GRTP1: variants seen among roughly 807,000 people sequenced by gnomAD.
GRTP1 encodes the protein growth hormone regulated TBC protein 1.
Under a neutral mutation model 38.1 loss-of-function variants are expected in GRTP1, and 56 were observed. That is an observed-to-expected ratio of 1.47 (90% confidence interval 1.19 to 1.84). The LOEUF (loss-of-function observed/expected upper bound fraction) is 1.84. GRTP1 is among the 40% of genes most tolerant of loss of function. The pLI, the probability that GRTP1 is intolerant of heterozygous loss-of-function variation, is 0.00. For synonymous variants in GRTP1, 217 were observed against 189.5 expected (o/e 1.14, Z -1.19); for missense variants, 506 against 453.9 (o/e 1.11, Z -1.04).
chr13:113,361,366 T>A (rs944984776), intron 2 of GRTP1, among the ~76,000 whole-genome samples: 3 of 152,060 alleles, frequency 2.0e-5, no homozygotes, highest in African/African-American at 7.2e-5. Flanking sequence ...CCCAAGTCCA[T>A]ATTGGAAAGT....
chr13:113,343,322 C>T lies in GRTP1; in HGVS notation c.562+1541G>A, dbSNP rs1408007610. Among the ~76,000 whole-genome samples, 1 of 151,890 alleles carries T rather than the reference C, an allele frequency of 6.6e-6. No homozygotes were observed. The highest frequency in any genetic ancestry group is 1.9e-4 in the East Asian group (1 of 5,184). On this transcript the variant is annotated intron_variant, in intron 5 of 7. Transcript: ENST00000375431. This position sits in a 1 kb window ranked among gnomAD's most constrained non-coding sequence, Gnocchi z 4.8. ...TCCTTTCCGCCCTGCGAGGTTCTGC[C>T]TGCTGCTGCTGCTGCTGCACTGGGT...
intron 5 of GRTP1, among the ~76,000 whole-genome samples, chr13:113,331,380 C>T (rs181906957): frequency 1.7e-4 from 26 of 152,220 alleles, no homozygotes; most frequent in Non-Finnish European, 1.6e-4. Flanking sequence ...ACCACAGCTG[C>T]GGGGCTGGGA....
chr13:113,337,658 C>T (rs1326805472), intron 5 of GRTP1, among the ~76,000 whole-genome samples: 3 of 152,354 alleles, frequency 2.0e-5, no homozygotes, highest in Middle Eastern at 3.4e-3. Context: ...TGAGCCTGGC[C>T]GCCTGGTGAC....
intron 5 of GRTP1, among the ~76,000 whole-genome samples, chr13:113,328,615 G>A (rs949848161): frequency 4.6e-5 from 7 of 152,194 alleles, no homozygotes; most frequent in Non-Finnish European, 2.9e-5. Flanking sequence ...AACCTCCTGG[G>A]CTCAAGTGAT....
In GRTP1 at chr13:113,357,489, G is replaced by A. The variant is rs892693469; in HGVS notation, c.182-2008C>T. ...ATCCCTCTTAAGAAACCCTCTTTCTGGTTTAGAAACATATTTGAGGATCAT... is the reference window on the plus strand; with the variant it reads ...ATCCCTCTTAAGAAACCCTCTTTCTAGTTTAGAAACATATTTGAGGATCAT... On this transcript the variant is annotated intron_variant, in intron 2 of 7. Transcript: ENST00000375431. Among the ~76,000 whole-genome samples, 9 of 148,634 alleles carry A rather than the reference G, an allele frequency of 6.1e-5. No homozygotes were observed. The Admixed American group carries it at 6.1e-4, about 10-fold the overall frequency.
rs1302282575 is a variant in GRTP1, at chr13:113,343,726, G to A, written c.562+1137C>T. On this transcript the variant is annotated intron_variant, in intron 5 of 7. Transcript: ENST00000375431. The surrounding 1 kb of genome is among the most constrained non-coding windows in gnomAD (Gnocchi z 4.8). ...TCAGCAGGAAACTGACACATGCCGT[G>A]TGCTCACCAGGCAGGAGCTGGAGCC... Among the ~76,000 whole-genome samples the A allele has an allele frequency of 6.6e-6, 1 of 152,218 alleles. No individual in the cohort carries two copies. The highest frequency in any genetic ancestry group is 1.5e-5 in the Non-Finnish European group (1 of 68,048).
rs2043251373 is a variant in GRTP1, at chr13:113,350,837, C to A, written c.465+12G>T. 6.4e-7 allele frequency: 1 copy of A among 1,557,832 alleles called. No individual in the cohort carries two copies. The highest frequency in any genetic ancestry group is 8.7e-7 in the Non-Finnish European group (1 of 1,144,374). ...CAGCCACCTCATGGCGTCAGAGGGT[C>A]CCGAGGCTCACCTGGCAGTAGCCCA... is the stretch of plus-strand genomic sequence containing the variant. On this transcript the variant is annotated intron_variant, in intron 4 of 7. Transcript: ENST00000375431.
chr13:113,336,302 T>TTTTTTG (rs527688397), intron 5 of GRTP1, among the ~76,000 whole-genome samples: 12,185 of 45,826 alleles, frequency 0.27, 578 homozygotes, highest in South Asian at 0.5. Flanking sequence ...AAGGTAGTTT[T>TTTTTTG]TTTTTTTTTT....
At chr13:113,325,565 G>A (rs55866528) in intron 7 of GRTP1, 96 bp downstream of exon 7, 200,859 of 1,596,296 alleles carry the variant, frequency 0.13, 14,171 homozygotes, top group Non-Finnish European at 0.14. Flanking sequence ...ACTGGTGCCC[G>A]TCCTGTGCAC....
intron 3 of GRTP1, among the ~76,000 whole-genome samples, chr13:113,352,290 A>ATTTATATATATTTTATATATAT (rs1319864302): frequency 4.1e-5 from 2 of 48,468 alleles, no homozygotes; most frequent in Admixed American, 3.2e-4. Context: ...ATTTATATAT[A>ATTTATATATATTTTATATATAT]TTTATATATA....
At chr13:113,337,881 G>A (rs922458198) in intron 5 of GRTP1, among the ~76,000 whole-genome samples, 2 of 152,256 alleles carry the variant, frequency 1.3e-5, no homozygotes, top group East Asian at 1.9e-4. Context: ...CTCTGCTCAC[G>A]GGGCTGAGCC....
chr13:113,335,202 T>C (rs1313263867), intron 5 of GRTP1, among the ~76,000 whole-genome samples: 3 of 152,194 alleles, frequency 2.0e-5, no homozygotes, highest in African/African-American at 4.8e-5. Flanking sequence ...CTAATAGGTG[T>C]ACATATTAAT....
Position 113,363,613 on chromosome 13 carries a change from C to CT in GRTP1, c.181+148dup. The stretch of plus-strand genomic sequence containing the variant: ...AAAGCGGGAAAACCGGTCCCTGCGG[C>CT]TGCCCTAGCTCGGAGCCCGCAGCTT... On this transcript the variant is annotated intron_variant, in intron 2 of 7. Transcript: ENST00000375431. 3.8e-6 allele frequency: 3 copies of CT among 798,004 alleles called. No homozygotes were observed. The East Asian group carries it at 8.4e-5, about 22-fold the overall frequency. The allele number at this position is 798,004 out of a possible 1,614,324, so 49.4% of individuals were successfully genotyped here. A position where few individuals can be genotyped will look rare whatever the true frequency, so the allele number is the denominator to read the frequency against.
In GRTP1 at chr13:113,348,960, A is replaced by G. The variant is rs528933644; in HGVS notation, c.465+1889T>C. On this transcript the variant is annotated intron_variant, in intron 4 of 7. Coordinates refer to ENST00000375431, the MANE Select transcript of GRTP1 (RefSeq NM_024719.4). The surrounding 1 kb of genome is among the most constrained non-coding windows in gnomAD (Gnocchi z 4.8). ...CTAACAGGTGCACATCTCCGCACAC[A>G]CATGTACGTATGTGCCTGTAGGTTC... Among the ~76,000 whole-genome samples, 7 of 152,284 alleles carry G rather than the reference A, an allele frequency of 4.6e-5. No individual in the cohort carries two copies. The highest frequency in any genetic ancestry group is 1.0e-4 in the Non-Finnish European group (7 of 68,012).
At chr13:113,339,595 T>A (rs966880570) in intron 5 of GRTP1, 2 of 152,388 alleles carry the variant, frequency 1.3e-5, no homozygotes, top group Non-Finnish European at 2.9e-5. Flanking sequence ...CATTAATTGA[T>A]ATATCTCACA....
rs746998148 is a variant in GRTP1 at position 113,363,943 on chromosome 13, C to G, written c.33-33G>C. The G allele has an allele frequency of 2.5e-6, 4 of 1,603,386 alleles. No individual in the cohort carries two copies. The South Asian group carries it at 4.4e-5, about 18-fold the overall frequency. ...ACCGAGAGAAGGAGGCCGGCGTCCC[C>G]GAAGTTTCCTCTGGGGGGTCGCGGG... On this transcript the variant is annotated intron_variant, in intron 1 of 7. Coordinates refer to ENST00000375431, the MANE Select transcript of GRTP1 (RefSeq NM_024719.4).
chr13:113,363,691 G>C (rs2043543077), intron 2 of GRTP1, 71 bp downstream of exon 2: 1 of 1,442,582 alleles, frequency 6.9e-7, no homozygotes, highest in Non-Finnish European at 9.4e-7. Flanking sequence ...CCGGGAGCCC[G>C]GACTTTGCCC....
rs2043222871 is a variant in GRTP1, at chr13:113,349,480, C to T, written c.465+1369G>A. 6.6e-6 allele frequency among the ~76,000 whole-genome samples: 1 copy of T among 152,160 alleles called. No homozygotes were observed. The highest frequency in any genetic ancestry group is 6.5e-5 in the Admixed American group (1 of 15,280). On this transcript the variant is annotated intron_variant, in intron 4 of 7. Transcript: ENST00000375431. The surrounding 1 kb of genome is among the most constrained non-coding windows in gnomAD (Gnocchi z 5.0). The stretch of plus-strand genomic sequence containing the variant: ...TAGAATGATGTAGAGGATTTCTTGC[C>T]CATTCTACCTCAACTCCAGAAGGCC...
At chr13:113,346,202 A>C (rs1407277210) in intron 4 of GRTP1, among the ~76,000 whole-genome samples, 2 of 139,308 alleles carry the variant, frequency 1.4e-5, no homozygotes, top group Non-Finnish European at 3.1e-5. Flanking sequence ...CTGAGAGCAG[A>C]CCCGGGAGGA....
Sources: gnomAD v4.1 joint callset for allele counts (sites outside exome capture counted in the v4.1 genomes callset) on GRCh38, gnomAD v4.1.1 for gene constraint, Gnocchi (gnomAD v3.1) non-coding constraint, MANE v1.5 for transcripts, NCBI Gene and HGNC (gene_info 2026-07-23, HGNC 2026-07-21) for gene names.